The following TLN2 variants were observed in gnomAD, a reference collection of about 807,000 sequenced individuals.
The protein encoded by TLN2 is talin-2.
TLN2 carries 118 observed loss-of-function variants against 294.7 expected under a neutral mutation model. That is an observed-to-expected ratio of 0.40 (90% CI 0.34 to 0.47). The LOEUF (loss-of-function observed/expected upper bound fraction) is 0.47. TLN2 is among the 20% of genes least tolerant of loss of function. The pLI is 0.84. For synonymous variants in TLN2, 1,431 were observed against 1,304.5 expected, an observed-to-expected ratio of 1.10 and a Z score of -2.09; for missense variants, 3,083 against 3,282.2, an observed-to-expected ratio of 0.94 and a Z score of 1.48.
In TLN2 at chr15:62,722,530, G is replaced by A. The variant is rs557002632; in HGVS notation, c.3126+43G>A. On this transcript the variant is annotated intron_variant, in intron 26 of 58. Transcript: ENST00000636159. ...TAGGGGTTAACTTGTCAGGAAGGGA[G>A]CTGGGGTGGCATGGGTACCACCCAG... 4.4e-6 allele frequency: 7 copies of A among 1,577,212 alleles called. No individual in the cohort carries two copies. In the South Asian group the frequency reaches 8.0e-5, roughly 18 times the overall value.
intron 1 of TLN2, among the ~76,000 whole-genome samples, chr15:62,493,416 G>T (rs2038851811): frequency 6.6e-6 from 1 of 152,098 alleles, no homozygotes; most frequent in Non-Finnish European, 1.5e-5. Flanking sequence ...CAACATACAT[G>T]CCTGGCTCAT....
At chr15:62,531,946 G>A (rs1290607498) in intron 1 of TLN2, among the ~76,000 whole-genome samples, 1 of 152,132 alleles carries the variant, frequency 6.6e-6, no homozygotes, top group African/African-American at 2.4e-5. Context: ...GTTACGTGTG[G>A]GTGTCCCCCA....
chr15:62,585,899 C>A (rs917707806), intron 1 of TLN2, among the ~76,000 whole-genome samples: 2 of 152,142 alleles, frequency 1.3e-5, no homozygotes, highest in East Asian at 1.9e-4. Flanking sequence ...CATCATGGCA[C>A]CCCCTGAGCT....
chr15:62,767,922 G>A (rs925893844), intron 41 of TLN2, among the ~76,000 whole-genome samples: 1 of 152,198 alleles, frequency 6.6e-6, no homozygotes. Flanking sequence ...TCCTATGTTA[G>A]TGGTTAGCAT....
At chr15:62,405,033 G>A (rs2033305227) in intron 1 of TLN2, among the ~76,000 whole-genome samples, 1 of 152,168 alleles carries the variant, frequency 6.6e-6, no homozygotes, top group Admixed American at 6.5e-5. Flanking sequence ...TTAAAGAAAG[G>A]TGGTTGGAAT....
chr15:62,794,395 C>T (rs958378287), intron 46 of TLN2, among the ~76,000 whole-genome samples: 1 of 152,136 alleles, frequency 6.6e-6, no homozygotes, highest in African/African-American at 2.4e-5. Context: ...GTCCTCAGAC[C>T]CTAGTGACTA....
chr15:62,702,871 T>C lies in TLN2; in HGVS notation c.2004+7T>C. ...GACTGATGAGCGATTCCAGGTAAGA[T>C]ATTTGCAGGCTTATAGTCATGGAAA... On this transcript the variant is annotated splice_region_variant and intron_variant, in intron 19 of 58. Coordinates refer to ENST00000636159, the MANE Select transcript of TLN2 (RefSeq NM_015059.3). 2 of 1,613,200 alleles carry C rather than the reference T, an allele frequency of 1.2e-6. No homozygotes were observed. Among genetic ancestry groups the C allele is most frequent in the Non-Finnish European group, 1.7e-6 (2 of 1,179,182 alleles).
chr15:62,660,613 A>G (rs2053707193), intron 9 of TLN2, among the ~76,000 whole-genome samples: 1 of 152,250 alleles, frequency 6.6e-6, no homozygotes, highest in Non-Finnish European at 1.5e-5. Context: ...TATTTGCTTT[A>G]TGCTTTTCTG....
At chr15:62,664,253 T>C (rs2054262057) in intron 9 of TLN2, among the ~76,000 whole-genome samples, 1 of 151,568 alleles carries the variant, frequency 6.6e-6, no homozygotes, top group African/African-American at 2.4e-5. Flanking sequence ...AAGAAAAAGA[T>C]CACCCAGGAT....
At chr15:62,772,876 C>T (rs909003201) in intron 42 of TLN2, among the ~76,000 whole-genome samples, 3 of 151,960 alleles carry the variant, frequency 2.0e-5, no homozygotes, top group African/African-American at 7.3e-5. Flanking sequence ...GTTGTCCAGG[C>T]TGGTCTTGAA....
intron 1 of TLN2, among the ~76,000 whole-genome samples, chr15:62,571,063 G>GATCA (rs1322209410): frequency 6.6e-6 from 1 of 152,206 alleles, no homozygotes; most frequent in African/African-American, 2.4e-5. Context: ...AGCTGGTGAT[G>GATCA]ATCAATCAAC....
At chr15:62,794,534 C>A (rs540660864) in intron 46 of TLN2, among the ~76,000 whole-genome samples, 2 of 152,332 alleles carry the variant, frequency 1.3e-5, no homozygotes, top group South Asian at 2.1e-4. Context: ...ACCCTGCAGG[C>A]TTCCCGTGAT....
At chr15:62,456,909 G>T (rs1032242960) in intron 1 of TLN2, among the ~76,000 whole-genome samples, 2 of 152,074 alleles carry the variant, frequency 1.3e-5, no homozygotes, top group Non-Finnish European at 2.9e-5. Context: ...CTGGCATTAG[G>T]CCACCAAGCT....
chr15:62,664,877 A>AAAAAAAAAAT (rs1232980836), intron 9 of TLN2, among the ~76,000 whole-genome samples: 2 of 150,258 alleles, frequency 1.3e-5, no homozygotes, highest in East Asian at 1.9e-4. Flanking sequence ...AAAAAAAAAA[A>AAAAAAAAAAT]AGTGGCTACC....
At chr15:62,687,302 A>T (rs953388327) in intron 12 of TLN2, among the ~76,000 whole-genome samples, 21 of 152,338 alleles carry the variant, frequency 1.4e-4, no homozygotes, top group African/African-American at 4.8e-4. Flanking sequence ...GTCATTTCCC[A>T]GCTGTGTGAC....
chr15:62,562,905 ATC>A (rs2043079689), intron 1 of TLN2, among the ~76,000 whole-genome samples: 2 of 96,168 alleles, frequency 2.1e-5, no homozygotes, highest in Admixed American at 1.2e-4. Flanking sequence ...GTAGTATTCC[ATC>A]ACACACACAC....
At chr15:62,638,643 G>A (rs1257813134) in intron 3 of TLN2, 1 of 455,662 alleles carries the variant, frequency 2.2e-6, no homozygotes, top group African/African-American at 2.0e-5. Flanking sequence ...TAGTATCAAA[G>A]GTCTTTTCTC....
chr15:62,689,585 T>C (rs187750336), intron 12 of TLN2, among the ~76,000 whole-genome samples: 3 of 152,088 alleles, frequency 2.0e-5, no homozygotes, highest in South Asian at 4.1e-4. Flanking sequence ...AAATTGACTT[T>C]GTGTTTTTTT....
intron 1 of TLN2, among the ~76,000 whole-genome samples, chr15:62,409,434 G>C (rs1485424038): frequency 2.0e-5 from 3 of 152,112 alleles, no homozygotes; most frequent in Non-Finnish European, 4.4e-5. Context: ...TTTTCTGGCT[G>C]TTGCAGGGTC....
Sources: allele counts gnomAD v4.1 joint callset (sites outside exome capture counted in the v4.1 genomes callset), GRCh38; gene constraint gnomAD v4.1.1; transcripts MANE v1.5; gene names NCBI Gene and HGNC (gene_info 2026-07-23, HGNC 2026-07-21).